The following DRC3 variants were observed in gnomAD, a reference collection of about 807,000 sequenced individuals.
DRC3 encodes leucine rich repeat containing 48.
A neutral mutation model predicts 57.6 loss-of-function variants in DRC3; 45 were observed. That is an observed-to-expected ratio of 0.78 (90% CI 0.62 to 1.00). The LOEUF (loss-of-function observed/expected upper bound fraction) is 1.00, where lower values mean the gene tolerates loss of function less well. Ranked by LOEUF, DRC3 falls within the 50% of genes least tolerant of loss-of-function variation. DRC3 has a pLI of 0.00. For missense variants in DRC3, 655 were observed against 675.2 expected (o/e 0.97, Z 0.33); for synonymous variants, 257 against 272.3 (o/e 0.94, Z 0.55).
At chr17:17,986,466 CTTTTTTTTTT>C (rs35727404) in intron 4 of DRC3, among the ~76,000 whole-genome samples, 7 of 133,270 alleles carry the variant, frequency 5.3e-5, no homozygotes, top group Non-Finnish European at 8.1e-5. Context: ...CCCAAATCAC[CTTTTTTTTTT>C]TTTTTTTTTT....
intron 10 of DRC3, 180 bp downstream of exon 10, chr17:18,004,674 A>C: frequency 1.6e-6 from 1 of 616,494 alleles, no homozygotes. Context: ...AATCATTTAC[A>C]TTGGAAGTGA....
chr17:18,007,676 C>T (rs933143341), intron 12 of DRC3: 25 of 1,344,598 alleles, frequency 1.9e-5, no homozygotes, highest in Non-Finnish European at 2.1e-5. Flanking sequence ...GAAGGCTCTC[C>T]CGGATGTCTG....
At chr17:17,998,612 C>G (rs1299575437) in intron 9 of DRC3, among the ~76,000 whole-genome samples, 1 of 152,298 alleles carries the variant, frequency 6.6e-6, no homozygotes, top group East Asian at 1.9e-4. Flanking sequence ...TAAAGTAGAG[C>G]AAAGTCCCTC....
intron 9 of DRC3, among the ~76,000 whole-genome samples, chr17:18,000,782 C>T (rs187880187): frequency 1.3e-5 from 2 of 152,308 alleles, no homozygotes; most frequent in East Asian, 1.9e-4. Context: ...GGATGAGCAA[C>T]ACGTTTTACA....
rs2043867242 is a variant in DRC3 at position 18,004,373 on chromosome 17, C to T, written c.1010C>T (p.Ala337Val). The T allele has an allele frequency of 1.9e-6, 3 of 1,602,822 alleles. No homozygotes were observed. Among genetic ancestry groups the T allele is most frequent in the Middle Eastern group, 1.7e-4 (1 of 6,042 alleles). ...FEEKHLSSLS[A>V]IREELELPNI... The stretch of plus-strand genomic sequence containing the variant: ...GTCTATTGTTTCTAGAGTTTAAGTG[C>T]CATTCGAGAGGAGTTGGAACTGCCC... Residue 337 changes from alanine to valine, a missense_variant, in exon 10 of 14, where the codon GCC (alanine) becomes GTC (valine). Physicochemically the swap from Ala to Val is moderately conservative, Grantham distance 64. Coordinates refer to ENST00000399187, the MANE Select transcript of DRC3 (RefSeq NM_031294.4).
intron 9 of DRC3, among the ~76,000 whole-genome samples, chr17:18,001,335 C>A (rs1345505189): frequency 6.6e-6 from 1 of 152,068 alleles, no homozygotes; most frequent in African/African-American, 2.4e-5. Context: ...GAAACCCCGT[C>A]TCTACTAAAA....
intron 12 of DRC3, chr17:18,007,582 C>T: frequency 6.8e-7 from 1 of 1,466,520 alleles, no homozygotes; most frequent in South Asian, 1.4e-5. Flanking sequence ...CCGGTTTGCA[C>T]CAGCACATCC....
At chr17:17,981,695 T>A (rs116345929) in intron 3 of DRC3, 5,133 of 152,186 alleles carry the variant, frequency 0.034, 244 homozygotes, top group African/African-American at 0.085. Context: ...TTTTATTTTT[T>A]TTTATTTATT....
At chr17:18,016,525 T>G (rs770810095) in intron 13 of DRC3, 33 bp from the exon 14 acceptor site, 3 of 1,420,694 alleles carry the variant, frequency 2.1e-6, no homozygotes, top group East Asian at 4.6e-5. Context: ...AATGATCTGA[T>G]GTAAGGAATC....
chr17:17,980,128 T>C (rs1308679819), intron 3 of DRC3, among the ~76,000 whole-genome samples: 1 of 152,188 alleles, frequency 6.6e-6, no homozygotes, highest in East Asian at 1.9e-4. Context: ...TCCCCAGAAC[T>C]TTGTGCAGGG....
At chr17:17,994,096 C>T (rs2043348723) in intron 6 of DRC3, 8 of 593,726 alleles carry the variant, frequency 1.3e-5, no homozygotes, top group South Asian at 4.0e-5. Flanking sequence ...GATTTCCCTG[C>T]GCTCACAAAA....
At chr17:18,011,773 AC>A (rs2044177344) in intron 12 of DRC3, 1 of 195,504 alleles carries the variant, frequency 5.1e-6, no homozygotes, top group African/African-American at 2.3e-5. Context: ...TCTTGTCAAG[AC>A]CCACACCAGA....
Position 18,006,043 on chromosome 17 carries a change from G to T in DRC3, c.1132-140G>T. ...CAGAGGGGTCAGTTCACAACCATCT[G>T]CTCAGGAGGGTCAAGATGGGTGGTC... On this transcript the variant is annotated intron_variant, in intron 10 of 13. Transcript: ENST00000399187. 4.4e-6 allele frequency: 3 copies of T among 674,512 alleles called. 1 individual carries two copies. The South Asian group carries it at 5.1e-5, about 11-fold the overall frequency. 41.8% of individuals were successfully genotyped at this position (674,512 alleles called of 1,614,324 possible). A position where few individuals can be genotyped will look rare whatever the true frequency, so the allele number is the denominator to read the frequency against.
At chr17:18,014,766 C>A (rs1417295916) in intron 12 of DRC3, among the ~76,000 whole-genome samples, 1 of 152,162 alleles carries the variant, frequency 6.6e-6, no homozygotes, top group Non-Finnish European at 1.5e-5. Context: ...TCTAAAATAA[C>A]CAGGACACCC....
chr17:18,006,277 C>A, intron 11 of DRC3, 24 bp downstream of exon 11: 2 of 1,567,138 alleles, frequency 1.3e-6, no homozygotes, highest in Non-Finnish European at 1.8e-6. Flanking sequence ...GATGACCTTC[C>A]CCATGGGGAG....
intron 12 of DRC3, among the ~76,000 whole-genome samples, chr17:18,010,057 G>A (rs2044114737): frequency 6.6e-6 from 1 of 152,198 alleles, no homozygotes; most frequent in East Asian, 1.9e-4. Flanking sequence ...GGCTGCGAGG[G>A]CAGGGTGAGT....
At position 17,994,576 on chromosome 17, in the gene DRC3, G is replaced by T. The variant is rs73303852; in HGVS notation, c.711+158G>T. On this transcript the variant is annotated intron_variant, in intron 7 of 13. Coordinates refer to ENST00000399187, the MANE Select transcript of DRC3 (RefSeq NM_031294.4). ...TGCCCTCTCCCTTCCTGGCTCATCT[G>T]CTGTCTGCCCCAGGGCCAGCTCCGT... Among the ~76,000 whole-genome samples, 1,088 of 152,322 alleles carry T rather than the reference G, an allele frequency of 7.1e-3. 14 individuals are homozygous for T. Among genetic ancestry groups the T allele is most frequent in the African/African-American group, 0.025 (1,032 of 41,578 alleles).
chr17:18,007,374 TA>T, intron 12 of DRC3: 1 of 1,550,478 alleles, frequency 6.4e-7, no homozygotes, highest in Non-Finnish European at 8.7e-7. Context: ...TCATGATAAT[TA>T]GATGGTTTCA....
intron 5 of DRC3, among the ~76,000 whole-genome samples, chr17:17,992,352 T>G (rs978114159): frequency 6.6e-6 from 1 of 152,240 alleles, no homozygotes; most frequent in Non-Finnish European, 1.5e-5. Flanking sequence ...TAACAGCAAC[T>G]AAAACGCCCA....
Sources: allele counts gnomAD v4.1 joint callset (sites outside exome capture counted in the v4.1 genomes callset), GRCh38; gene constraint gnomAD v4.1.1; transcripts MANE v1.5; gene names NCBI Gene and HGNC (gene_info 2026-07-23, HGNC 2026-07-21).